ZNF516: variants seen among roughly 807,000 people sequenced by gnomAD.
ZNF516 encodes the protein zinc finger protein 516.
A neutral mutation model predicts 79.7 loss-of-function variants in ZNF516; 19 were observed. That is an observed-to-expected ratio of 0.24 (90% CI 0.17 to 0.35). The LOEUF (loss-of-function observed/expected upper bound fraction) is 0.35, where lower values mean the gene tolerates loss of function less well. Ranked by LOEUF, ZNF516 falls within the 10% of genes least tolerant of loss-of-function variation. The pLI is 1.00. For synonymous variants in ZNF516, 877 were observed against 739.5 expected, an observed-to-expected ratio of 1.19 and a Z score of -3.02; for missense variants, 1,678 against 1,679.5, an observed-to-expected ratio of 1.00 and a Z score of 0.02.
intron 4 of ZNF516, among the ~76,000 whole-genome samples, chr18:76,377,715 ATTT>A (rs1213742643): frequency 1.5e-5 from 2 of 133,606 alleles, no homozygotes. Context: ...TTACAACGTT[ATTT>A]TTTTTTTTTT....
intron 3 of ZNF516, among the ~76,000 whole-genome samples, chr18:76,422,234 C>T (rs1344778274): frequency 6.6e-6 from 1 of 152,196 alleles, no homozygotes; most frequent in Non-Finnish European, 1.5e-5. Context: ...CCTGACCCAG[C>T]AAACCAGGAG....
chr18:76,450,846 A>G (rs1218545262), intron 2 of ZNF516, among the ~76,000 whole-genome samples: 1 of 152,146 alleles, frequency 6.6e-6, no homozygotes, highest in African/African-American at 2.4e-5. Context: ...AAATCTTGCC[A>G]TTTTCTGCCT....
At chr18:76,414,089 T>A (rs1454782617) in intron 3 of ZNF516, among the ~76,000 whole-genome samples, 1 of 152,232 alleles carries the variant, frequency 6.6e-6, no homozygotes, top group Non-Finnish European at 1.5e-5. Flanking sequence ...TTTAAAACTG[T>A]ATTTCTTACA....
chr18:76,435,605 A>AT (rs2075722109), intron 3 of ZNF516, among the ~76,000 whole-genome samples: 1 of 152,248 alleles, frequency 6.6e-6, no homozygotes, highest in South Asian at 2.1e-4. Flanking sequence ...CTACATCTGA[A>AT]TATTTTTCTG....
chr18:76,485,680 C>G (rs1914789087), intron 1 of ZNF516, among the ~76,000 whole-genome samples: 1 of 152,074 alleles, frequency 6.6e-6, no homozygotes, highest in Non-Finnish European at 1.5e-5. Flanking sequence ...ATTCCTGCAA[C>G]ATGGCATAAG....
chr18:76,494,373 C>CT (rs1915393494), intron 1 of ZNF516, among the ~76,000 whole-genome samples: 1 of 151,758 alleles, frequency 6.6e-6, no homozygotes, highest in Non-Finnish European at 1.5e-5. Context: ...CCACCGAGGC[C>CT]TCCCCCACCC....
intron 3 of ZNF516, among the ~76,000 whole-genome samples, chr18:76,384,372 CGA>C (rs2074945804): frequency 7.7e-6 from 1 of 130,522 alleles, no homozygotes; most frequent in African/African-American, 3.0e-5. Context: ...TCCACGGTTC[CGA>C]CACCCCCACC....
chr18:76,395,660 T>C (rs1410761528), intron 3 of ZNF516, among the ~76,000 whole-genome samples: 3 of 151,870 alleles, frequency 2.0e-5, no homozygotes, highest in Non-Finnish European at 2.9e-5. Flanking sequence ...CTACAGTCAC[T>C]GGAGTCAGTG....
chr18:76,492,930 G>C (rs1915320547), intron 1 of ZNF516: 5 of 985,562 alleles, frequency 5.1e-6, no homozygotes, highest in African/African-American at 1.7e-5. Context: ...GGATGCGCGG[G>C]GCTGGCCAGA....
chr18:76,409,436 G>A (rs2075345431), intron 3 of ZNF516, among the ~76,000 whole-genome samples: 1 of 151,916 alleles, frequency 6.6e-6, no homozygotes, highest in Non-Finnish European at 1.5e-5. Flanking sequence ...ATTTGCCAAT[G>A]GAAATTAAAA....
Position 76,369,945 on chromosome 18 carries a change from G to A in ZNF516, c.3432+583C>T, listed in dbSNP as rs185634567. 4.2e-3 allele frequency among the ~76,000 whole-genome samples: 647 copies of A among 152,280 alleles called. 5 individuals are homozygous for A. Among genetic ancestry groups the A allele is most frequent in the Non-Finnish European group, 4.5e-3 (306 of 68,020 alleles). On this transcript the variant is annotated intron_variant, in intron 6 of 6. Transcript: ENST00000443185. Reference sequence around the variant, plus strand: ...CTACTTTAGAGCAGGACTCAGAACCGTGTGCTAGTGCCAGGGTCCCACACA... The same window carrying A: ...CTACTTTAGAGCAGGACTCAGAACCATGTGCTAGTGCCAGGGTCCCACACA...
Position 76,358,442 on chromosome 18 carries a change from G to C in ZNF516, c.*4056C>G, listed in dbSNP as rs1460118554. 1.3e-5 allele frequency: 2 copies of C among 152,222 alleles called. No individual in the cohort carries two copies. The highest frequency in any genetic ancestry group is 4.8e-5 in the African/African-American group (2 of 41,452). 9.4% of individuals were successfully genotyped at this position (152,222 alleles called of 1,614,324 possible). ...AAGCAGAATTAGCAAAGCTGATGAA[G>C]AATGAACATTTTCCCTTGGGCGGGT... is the stretch of plus-strand genomic sequence containing the variant. On this transcript the variant is annotated 3_prime_UTR_variant, in exon 7 of 7. Coordinates refer to ENST00000443185, the MANE Select transcript of ZNF516 (RefSeq NM_014643.4).
At chr18:76,475,544 TCCC>T (rs1914124407) in intron 1 of ZNF516, among the ~76,000 whole-genome samples, 1 of 152,144 alleles carries the variant, frequency 6.6e-6, no homozygotes, top group Non-Finnish European at 1.5e-5. Flanking sequence ...TTAGTAAAGT[TCCC>T]TGCACGCTAA....
intron 3 of ZNF516, among the ~76,000 whole-genome samples, chr18:76,385,075 G>C (rs138029616): frequency 1.3e-5 from 2 of 152,200 alleles, no homozygotes; most frequent in Non-Finnish European, 2.9e-5. Context: ...AGCCGGGTCC[G>C]AGCAGCCCTA....
chr18:76,404,899 CGT>C (rs373732671), intron 3 of ZNF516, among the ~76,000 whole-genome samples: 1 of 152,094 alleles, frequency 6.6e-6, no homozygotes, highest in Non-Finnish European at 1.5e-5. Context: ...TGAGTAGGAG[CGT>C]GTGTGTGTGG....
rs1446708122 is a variant in ZNF516, at chr18:76,379,664, C to T, written c.2450G>A (p.Gly817Asp). The T allele has an allele frequency of 6.2e-7, 1 of 1,613,592 alleles. No homozygotes were observed. Among genetic ancestry groups the T allele is most frequent in the Non-Finnish European group, 8.5e-7 (1 of 1,179,900 alleles). Residue 817 changes from glycine (G) to aspartate (D), a missense_variant, in exon 4 of 7, where the codon GGC becomes GAC. Physicochemically the swap from Gly to Asp is moderately conservative, Grantham distance 94 (BLOSUM62 -1). Transcript: ENST00000443185. ...LVFLSRSGRT[G>D]PPPALGGKEC... is the part of the protein sequence containing the mutation. ...TTTGCCACCGAGGGCAGGCGGGGGG[C>T]CCGTGCGTCCGCTCCGGGAAAGGAA...
At chr18:76,429,650 C>G (rs961732095) in intron 3 of ZNF516, among the ~76,000 whole-genome samples, 3 of 152,190 alleles carry the variant, frequency 2.0e-5, no homozygotes, top group African/African-American at 7.2e-5. Flanking sequence ...CTGACAGCTG[C>G]ACACTGCCCA....
intron 1 of ZNF516, among the ~76,000 whole-genome samples, chr18:76,480,842 G>C (rs1190201947): frequency 6.6e-6 from 1 of 152,134 alleles, no homozygotes; most frequent in Non-Finnish European, 1.5e-5. Context: ...TTTTAAAATG[G>C]TTGGGATTAA....
At chr18:76,411,749 T>C (rs1173866521) in intron 3 of ZNF516, among the ~76,000 whole-genome samples, 1 of 152,124 alleles carries the variant, frequency 6.6e-6, no homozygotes, top group Non-Finnish European at 1.5e-5. Context: ...ACCTTCCTTT[T>C]TCATCCACAA....
Sources: allele counts gnomAD v4.1 joint callset (sites outside exome capture counted in the v4.1 genomes callset), GRCh38; gene constraint gnomAD v4.1.1; transcripts MANE v1.5; gene names NCBI Gene and HGNC (gene_info 2026-07-23, HGNC 2026-07-21).